C17orf99: variants seen among roughly 807,000 people sequenced by gnomAD.
C17orf99 encodes chromosome 17 open reading frame 99.
C17orf99 carries 18 observed loss-of-function variants against 22.6 expected under a neutral mutation model. The ratio of observed to expected loss-of-function variants is 0.80; its 90% CI spans 0.55 to 1.18. C17orf99 has a LOEUF of 1.18. C17orf99 is among the 50% of genes most tolerant of loss of function. The pLI is 0.00. For missense variants in C17orf99, 328 were observed against 342.7 expected (o/e 0.96, Z 0.34); for synonymous variants, 147 against 136.6 (o/e 1.08, Z -0.53).
chr17:78,161,889 A>G (rs953403109), intron 3 of C17orf99, among the ~76,000 whole-genome samples: 11 of 152,012 alleles, frequency 7.2e-5, no homozygotes, highest in African/African-American at 2.7e-4. Context: ...CGTTTTGTGC[A>G]TTACTTCGCT....
intron 2 of C17orf99, among the ~76,000 whole-genome samples, chr17:78,155,374 G>T (rs147827522): frequency 1.3e-5 from 2 of 152,050 alleles, no homozygotes; most frequent in Admixed American, 1.3e-4. Flanking sequence ...ATGCCCAGCC[G>T]AGCAAAGGCA....
In C17orf99 at chr17:78,146,841, A is replaced by G. The variant is rs1358407817; in HGVS notation, c.38-38A>G. On this transcript the variant is annotated intron_variant, in intron 1 of 4. Coordinates refer to ENST00000340363, the MANE Select transcript of C17orf99 (RefSeq NM_001163075.2). The surrounding 1 kb of genome is among the most constrained non-coding windows in gnomAD (Gnocchi z 5.2). Reference sequence around the variant, plus strand: ...AGGCTGTCTCTGGTCTCCCCTCCACACCAGGCCCTCTCCTTATCGCCCTTA... The same window carrying G: ...AGGCTGTCTCTGGTCTCCCCTCCACGCCAGGCCCTCTCCTTATCGCCCTTA... 5.2e-6 allele frequency: 8 copies of G among 1,549,032 alleles called. No individual in the cohort carries two copies. In the East Asian group the frequency reaches 1.7e-4, roughly 33 times the overall value.
At chr17:78,145,953 G>A (rs573488452), upstream of C17orf99, among the ~76,000 whole-genome samples, 6 of 152,124 alleles carry the variant, frequency 3.9e-5, no homozygotes, top group South Asian at 4.2e-4. Flanking sequence ...ACGCCACCAC[G>A]CCCGGCTGAT....
chr17:78,148,244 G>C (rs1261384859), intron 2 of C17orf99, among the ~76,000 whole-genome samples: 1 of 146,866 alleles, frequency 6.8e-6, no homozygotes, highest in African/African-American at 2.6e-5. Flanking sequence ...AAAATGGCTC[G>C]ATCTCAGCTT....
Position 78,160,638 on chromosome 17 carries a change from G to A in C17orf99, c.71-317G>A, listed in dbSNP as rs557535390. 9.2e-5 allele frequency: 35 copies of A among 379,868 alleles called. 1 individual carries two copies. Among genetic ancestry groups the A allele is most frequent in the South Asian group, 7.8e-4 (27 of 34,656 alleles). The allele number at this position is 379,868 out of a possible 1,614,324, so 23.5% of individuals were successfully genotyped here. On this transcript the variant is annotated intron_variant, in intron 2 of 4. Transcript: ENST00000340363. ...GTCGCCCAGGCTGGAGTGCAGTGGTGTGATCTCGGCTCACTGCCACCTGCC... is the reference window on the plus strand; with the variant it reads ...GTCGCCCAGGCTGGAGTGCAGTGGTATGATCTCGGCTCACTGCCACCTGCC...
At chr17:78,162,601 T>C (rs1322313226) in intron 3 of C17orf99, among the ~76,000 whole-genome samples, 2 of 152,030 alleles carry the variant, frequency 1.3e-5, no homozygotes, top group Non-Finnish European at 2.9e-5. Context: ...GCTGGGGTCT[T>C]GAACAACTCA....
chr17:78,160,940 CT>C lies in C17orf99; in HGVS notation c.71-11del. The C allele has an allele frequency of 6.5e-7, 1 of 1,544,596 alleles. No individual in the cohort carries two copies. The highest frequency in any genetic ancestry group is 1.2e-5 in the South Asian group (1 of 83,840). On this transcript the variant is annotated splice_polypyrimidine_tract_variant and intron_variant, in intron 2 of 4. Transcript: ENST00000340363. ...TCGGTTTCTTTCTTCCTCCTTGGAC[CT>C]TTTCATCTCCCAGAAATTACCCCTG...
chr17:78,149,734 G>A (rs963445522), intron 2 of C17orf99, among the ~76,000 whole-genome samples: 6 of 151,446 alleles, frequency 4.0e-5, no homozygotes, highest in Non-Finnish European at 7.4e-5. Context: ...TTTTGAGACG[G>A]GGTCTCGCTC....
At position 78,166,155 on chromosome 17, in the gene C17orf99, CA is replaced by C. The variant is rs61377640; in HGVS notation, c.*131del. On this transcript the variant is annotated 3_prime_UTR_variant, in exon 5 of 5. Coordinates refer to ENST00000340363, the MANE Select transcript of C17orf99 (RefSeq NM_001163075.2). ...GAGTGTGTTTTAGCTGCTCTTGCCA[CA>C]AAAAAAAAAAAAAAAAAAAAAGGGT... 0.046 allele frequency: 6,709 copies of C among 144,632 alleles called. 10 individuals carry two copies. Among genetic ancestry groups the C allele is most frequent in the East Asian group, 0.096 (696 of 7,224 alleles). The allele number at this position is 144,632 out of a possible 1,614,324, so 9.0% of individuals were successfully genotyped here.
chr17:78,160,684 A>C, intron 2 of C17orf99: 1 of 449,578 alleles, frequency 2.2e-6, no homozygotes. Flanking sequence ...TCCTGGTTCA[A>C]GAGATTCTCC....
intron 4 of C17orf99, chr17:78,164,717 G>C: frequency 7.4e-7 from 1 of 1,344,858 alleles, no homozygotes; most frequent in Non-Finnish European, 9.7e-7. Context: ...TGGCCTGAGA[G>C]GTCCAACCGG....
intron 4 of C17orf99, chr17:78,164,764 G>A (rs2075605511): frequency 1.6e-6 from 2 of 1,286,174 alleles, no homozygotes; most frequent in Non-Finnish European, 2.0e-6. Flanking sequence ...GGGCTTGCAG[G>A]GCAGGGCTGT....
intron 2 of C17orf99, among the ~76,000 whole-genome samples, chr17:78,159,320 G>A (rs1055983589): frequency 6.6e-6 from 1 of 151,948 alleles, no homozygotes; most frequent in South Asian, 2.1e-4. Context: ...CTGGACGACA[G>A]AGCAAGACTC....
intron 2 of C17orf99, chr17:78,158,075 G>A: frequency 2.6e-6 from 3 of 1,143,154 alleles, no homozygotes; most frequent in Non-Finnish European, 3.9e-6. Context: ...GGTGCGAGAG[G>A]ACTTTCGTCT....
rs1033277830 is a variant in C17orf99, at chr17:78,163,231, G to A, written c.371-864G>A. Among the ~76,000 whole-genome samples the A allele has an allele frequency of 2.6e-5, 4 of 152,270 alleles. No homozygotes were observed. The South Asian group carries it at 6.2e-4, about 24-fold the overall frequency. On this transcript the variant is annotated intron_variant, in intron 3 of 4. Transcript: ENST00000340363. ...ATCACACCATTGCACTCTAGCCTGG[G>A]CAACAGAGACCCTGTCTCTAAAATA...
At chr17:78,146,125 A>G (rs1471206809), upstream of C17orf99, among the ~76,000 whole-genome samples, 5 of 152,086 alleles carry the variant, frequency 3.3e-5, no homozygotes, top group African/African-American at 1.2e-4. The surrounding 1 kb of genome is among the most constrained non-coding windows in gnomAD (Gnocchi z 5.2). Flanking sequence ...TGAGCCCGGG[A>G]TCCTGCGGCT....
chr17:78,165,847 G>C (rs1338133329), intron 4 of C17orf99, 42 bp from the exon 5 acceptor site: 6 of 1,285,072 alleles, frequency 4.7e-6, no homozygotes, highest in Non-Finnish European at 1.0e-6. Flanking sequence ...GGATGGCTGG[G>C]AGGTGAGCCT....
At chr17:78,161,350 G>C in intron 3 of C17orf99, 96 bp downstream of exon 3, 2 of 1,117,854 alleles carry the variant, frequency 1.8e-6, no homozygotes, top group Non-Finnish European at 2.6e-6. Context: ...GCTGGGGTTA[G>C]AGAGAGCCAG....
At chr17:78,149,197 T>G (rs1432984375) in intron 2 of C17orf99, among the ~76,000 whole-genome samples, 1 of 151,448 alleles carries the variant, frequency 6.6e-6, no homozygotes, top group African/African-American at 2.4e-5. Flanking sequence ...CCGGGCGTGG[T>G]GGCGCACGTC....
Sources: allele counts gnomAD v4.1 joint callset (sites outside exome capture counted in the v4.1 genomes callset), GRCh38; gene constraint gnomAD v4.1.1; non-coding constraint Gnocchi (gnomAD v3.1); transcripts MANE v1.5; gene names NCBI Gene and HGNC (gene_info 2026-07-23, HGNC 2026-07-21).